The following C7 variants were observed in gnomAD, a reference collection of about 807,000 sequenced individuals.
C7 encodes the protein complement C7.
A neutral mutation model predicts 104.8 loss-of-function variants in C7; 83 were observed. The ratio of observed to expected loss-of-function variants is 0.79; its 90% CI spans 0.66 to 0.95. C7 has a LOEUF of 0.95. Ranked by LOEUF, C7 falls within the 40% of genes least tolerant of loss-of-function variation. The pLI, the probability that C7 is intolerant of heterozygous loss-of-function variation, is 0.00. For missense variants in C7, 1,070 were observed against 1,011.2 expected, an observed-to-expected ratio of 1.06 and a Z score of -0.79; for synonymous variants, 415 against 360.6, an observed-to-expected ratio of 1.15 and a Z score of -1.71.
At chr5:40,952,902 A>G (rs989971031) in intron 9 of C7, among the ~76,000 whole-genome samples, 4 of 152,166 alleles carry the variant, frequency 2.6e-5, no homozygotes, top group African/African-American at 9.6e-5. Flanking sequence ...CAGTTCTTAC[A>G]TAGGTGTGCT....
intron 1 of C7, among the ~76,000 whole-genome samples, chr5:40,920,557 A>G (rs911033071): frequency 6.7e-6 from 1 of 149,360 alleles, no homozygotes; most frequent in Non-Finnish European, 1.5e-5. Flanking sequence ...AAAAAAAAGC[A>G]GAGGACTTGA....
At chr5:40,912,032 A>G (rs578106909) in intron 1 of C7, among the ~76,000 whole-genome samples, 1 of 151,950 alleles carries the variant, frequency 6.6e-6, no homozygotes, top group South Asian at 2.1e-4. Flanking sequence ...ACAGGCATGA[A>G]CCACCACGCC....
rs949240506 is a variant in C7, at chr5:40,931,083, T to G, written c.82T>G (p.Cys28Gly). 2 of 1,613,488 alleles carry G rather than the reference T, an allele frequency of 1.2e-6. No homozygotes were observed. Among genetic ancestry groups the G allele is most frequent in the Non-Finnish European group, 1.7e-6 (2 of 1,179,444 alleles). ...SFSSASSPVNCQWDFYAPWSE... is the reference protein window; with the variant it reads ...SFSSASSPVNGQWDFYAPWSE... ...TGGCAGTGCCTCCTCTCCAGTCAAC[T>G]GCCAGTGGGACTTCTATGCCCCTTG... is the stretch of plus-strand genomic sequence containing the variant. The change falls in exon 3 of 18, where the codon TGC becomes GGC. Residue 28 changes from cysteine (C) to glycine (G), a missense_variant. Coordinates refer to ENST00000313164, the MANE Select transcript of C7 (RefSeq NM_000587.4).
chr5:40,953,857 A>T (rs201416307), intron 9 of C7, among the ~76,000 whole-genome samples: 2 of 42,528 alleles, frequency 4.7e-5, no homozygotes, highest in African/African-American at 9.9e-5. Flanking sequence ...CACCCCATAA[A>T]CATGTACCAT....
chr5:40,942,149 T>C (rs1739953864), intron 6 of C7, among the ~76,000 whole-genome samples: 1 of 152,134 alleles, frequency 6.6e-6, no homozygotes, highest in Non-Finnish European at 1.5e-5. Flanking sequence ...GAAGAGTGAA[T>C]GGGAGGTGAG....
rs1461606754 is a variant in C7 at position 40,976,739 on chromosome 5, T to C, written c.2075-11T>C. 1.3e-6 allele frequency: 2 copies of C among 1,577,228 alleles called. No individual in the cohort carries two copies. Among genetic ancestry groups the C allele is most frequent in the Non-Finnish European group, 1.7e-6 (2 of 1,158,992 alleles). On this transcript the variant is annotated splice_polypyrimidine_tract_variant and intron_variant, in intron 15 of 17. Coordinates refer to ENST00000313164, the MANE Select transcript of C7 (RefSeq NM_000587.4). Reference sequence around the variant, plus strand: ...TCTCCTAACGACCACATCTCCCTTATCCTTTTTTAGAAAATCCGTTAACAC... The same window carrying C: ...TCTCCTAACGACCACATCTCCCTTACCCTTTTTTAGAAAATCCGTTAACAC...
chr5:40,959,763 G>A, intron 12 of C7, 143 bp downstream of exon 12: 1 of 617,510 alleles, frequency 1.6e-6, no homozygotes, highest in Admixed American at 3.4e-5. Flanking sequence ...TTAGCACTAG[G>A]GTGAGTTGAA....
At chr5:40,914,879 C>T (rs193223824) in intron 1 of C7, among the ~76,000 whole-genome samples, 10 of 152,192 alleles carry the variant, frequency 6.6e-5, no homozygotes, top group African/African-American at 2.2e-4. Flanking sequence ...TCAGTTACAG[C>T]GCGGACATTC....
At chr5:40,968,598 ATATTTTTTTTTTTTTTTT>A (rs1740621907) in intron 14 of C7, among the ~76,000 whole-genome samples, 6 of 22,040 alleles carry the variant, frequency 2.7e-4, no homozygotes, top group South Asian at 3.0e-3. Flanking sequence ...ATATATATAT[ATATTTTTTTTTTTTTTTT>A]TTTTTTTTTT....
chr5:40,937,532 C>T lies in C7; in HGVS notation c.429-20C>T, dbSNP rs1244447775. 6.4e-6 allele frequency: 10 copies of T among 1,553,536 alleles called. No homozygotes were observed. The highest frequency in any genetic ancestry group is 1.2e-5 in the South Asian group (1 of 80,210). On this transcript the variant is annotated intron_variant, in intron 5 of 17. Coordinates refer to ENST00000313164, the MANE Select transcript of C7 (RefSeq NM_000587.4). ...TAACGGCTTTTTATTTCCTCCTTCT[C>T]CTCCTCCTCCTTTTAACAGTTACAA...
At chr5:40,945,080 C>G in intron 6 of C7, 118 bp from the exon 7 acceptor site, 1 of 605,574 alleles carries the variant, frequency 1.7e-6, no homozygotes, top group East Asian at 3.0e-5. Context: ...ATGAGAGTCA[C>G]AGTTGCTTTG....
intron 4 of C7, among the ~76,000 whole-genome samples, chr5:40,935,521 A>G (rs1413064481): frequency 6.6e-6 from 1 of 152,170 alleles, no homozygotes; most frequent in Non-Finnish European, 1.5e-5. Context: ...TCAAGAGGAG[A>G]TAATGTTTAA....
chr5:40,952,080 T>G (rs1740182413), intron 9 of C7, among the ~76,000 whole-genome samples: 1 of 152,212 alleles, frequency 6.6e-6, no homozygotes, highest in South Asian at 2.1e-4. Flanking sequence ...GATGTTGACA[T>G]CAGTCTTCAG....
intron 4 of C7, 67 bp downstream of exon 4, chr5:40,934,533 G>A (rs948332435): frequency 2.6e-5 from 38 of 1,474,880 alleles, no homozygotes; most frequent in South Asian, 2.4e-4. Context: ...GAACTTGCTC[G>A]TTATATATTT....
intron 1 of C7, among the ~76,000 whole-genome samples, chr5:40,920,430 T>G (rs1483383455): frequency 6.6e-6 from 1 of 151,382 alleles, no homozygotes; most frequent in Non-Finnish European, 1.5e-5. Context: ...TATGTTTAGG[T>G]GCTCCAAAGC....
intron 2 of C7, 114 bp from the exon 3 acceptor site, chr5:40,930,950 C>A: frequency 1.3e-6 from 1 of 750,748 alleles, no homozygotes; most frequent in Non-Finnish European, 2.3e-6. Flanking sequence ...AGTGTCTCTT[C>A]GGAAAAAATA....
At chr5:40,932,316 G>A (rs1220076005) in intron 3 of C7, among the ~76,000 whole-genome samples, 1 of 151,400 alleles carries the variant, frequency 6.6e-6, no homozygotes, top group Admixed American at 6.6e-5. Context: ...TTCCATTTTT[G>A]TTATAAAGAA....
rs1319815594 is a variant in C7, at chr5:40,959,516, A to G, written c.1557A>G (p.Arg519=). Residue 519 remains arginine, a synonymous_variant, in exon 12 of 18, where the codon AGA becomes AGG. Transcript: ENST00000313164. ...CCTGTGTCCAAGGGAAGAAAACAAG[A>G]AGCCGTGAATGCAATAACCCACCTC... The part of the protein sequence containing the change: ...WSPCVQGKKT[R]SRECNNPPPS... The G allele has an allele frequency of 3.7e-6, 6 of 1,611,828 alleles. No homozygotes were observed. Among genetic ancestry groups the G allele is most frequent in the Non-Finnish European group, 4.2e-6 (5 of 1,179,404 alleles).
intron 1 of C7, among the ~76,000 whole-genome samples, chr5:40,921,980 G>A (rs7701871): frequency 0.23 from 34,379 of 151,906 alleles, 4,068 homozygotes; most frequent in East Asian, 0.31. Context: ...GGAAGTTGCA[G>A]TGAGCTAAGA....
Sources: allele counts gnomAD v4.1 joint callset (sites outside exome capture counted in the v4.1 genomes callset), GRCh38; gene constraint gnomAD v4.1.1; transcripts MANE v1.5; gene names NCBI Gene and HGNC (gene_info 2026-07-23, HGNC 2026-07-21).